TAFA2: variants seen among roughly 807,000 people sequenced by gnomAD.
TAFA2 encodes the protein TAFA chemokine like family member 2, also known as chemokine-like protein TAFA-2.
A neutral mutation model predicts 18.8 loss-of-function variants in TAFA2; 7 were observed. The observed-to-expected ratio is 0.37, with a 90% CI of 0.21 to 0.70. TAFA2 has a LOEUF of 0.70. TAFA2 is among the 30% of genes least tolerant of loss of function. The pLI, the probability that TAFA2 is intolerant of heterozygous loss-of-function variation, is 0.53. For missense variants in TAFA2, 122 were observed against 158.1 expected (o/e 0.77, Z 1.23); for synonymous variants, 60 against 54.2 (o/e 1.11, Z -0.47).
chr12:61,966,584 C>T (rs1879075257), intron 1 of TAFA2, among the ~76,000 whole-genome samples: 1 of 151,858 alleles, frequency 6.6e-6, no homozygotes, highest in African/African-American at 2.4e-5. Flanking sequence ...TGTTTTTATT[C>T]TTATGGGTAT....
At chr12:61,820,929 C>A (rs1272647939) in intron 2 of TAFA2, among the ~76,000 whole-genome samples, 1 of 151,932 alleles carries the variant, frequency 6.6e-6, no homozygotes, top group East Asian at 1.9e-4. Context: ...TTACATTGGA[C>A]AGGTGTATCC....
intron 1 of TAFA2, among the ~76,000 whole-genome samples, chr12:62,165,391 A>G (rs967020585): frequency 6.6e-6 from 1 of 152,044 alleles, no homozygotes; most frequent in Non-Finnish European, 1.5e-5. Flanking sequence ...CTCTACACTC[A>G]TCCTTGAGAG....
intron 1 of TAFA2, among the ~76,000 whole-genome samples, chr12:61,922,271 T>C (rs760833033): frequency 6.6e-6 from 1 of 152,096 alleles, no homozygotes; most frequent in Non-Finnish European, 1.5e-5. Flanking sequence ...ACTGAAGTTA[T>C]CTCCTCGGGG....
intron 1 of TAFA2, among the ~76,000 whole-genome samples, chr12:61,951,822 G>T (rs989927552): frequency 3.1e-4 from 47 of 151,606 alleles, no homozygotes; most frequent in African/African-American, 1.1e-3. Context: ...CACCTATTTT[G>T]TAAACTGATT....
At chr12:61,827,415 C>T (rs1188190341) in intron 2 of TAFA2, among the ~76,000 whole-genome samples, 9 of 152,022 alleles carry the variant, frequency 5.9e-5, no homozygotes, top group Non-Finnish European at 1.3e-4. Context: ...AGGAGGTTCT[C>T]TACCATTACT....
chr12:61,953,857 A>T (rs1198719356), intron 1 of TAFA2, among the ~76,000 whole-genome samples: 2 of 152,184 alleles, frequency 1.3e-5, no homozygotes, highest in Admixed American at 1.3e-4. Flanking sequence ...TTTCGCTAAT[A>T]GTGCGGTGTA....
chr12:62,022,059 G>A, intron 1 of TAFA2: 1 of 567,396 alleles, frequency 1.8e-6, no homozygotes, highest in African/African-American at 1.9e-5. Flanking sequence ...CTGCCCTCTG[G>A]AAAACCAAAC....
chr12:61,846,688 T>G (rs982843781), intron 2 of TAFA2, among the ~76,000 whole-genome samples: 13 of 152,184 alleles, frequency 8.5e-5, no homozygotes, highest in African/African-American at 3.1e-4. Flanking sequence ...AAATAAAAAC[T>G]TAATTCTTGA....
chr12:62,051,347 T>C (rs1028158057), intron 1 of TAFA2, among the ~76,000 whole-genome samples: 5 of 152,158 alleles, frequency 3.3e-5, no homozygotes, highest in Non-Finnish European at 7.4e-5. Context: ...GCCAATTTTA[T>C]AGCTAATAAC....
chr12:61,744,615 C>T (rs981682155), intron 4 of TAFA2, among the ~76,000 whole-genome samples: 1 of 152,030 alleles, frequency 6.6e-6, no homozygotes, highest in African/African-American at 2.4e-5. Context: ...AGTTCAGTGG[C>T]ACAATCATGG....
At chr12:61,995,253 A>G (rs1398146602) in intron 1 of TAFA2, among the ~76,000 whole-genome samples, 3 of 152,150 alleles carry the variant, frequency 2.0e-5, no homozygotes, top group Non-Finnish European at 4.4e-5. Flanking sequence ...TTTCCCAAAT[A>G]ACCTAAGTTA....
intron 1 of TAFA2, among the ~76,000 whole-genome samples, chr12:62,020,476 C>T (rs1425765008): frequency 1.3e-5 from 2 of 152,130 alleles, no homozygotes; most frequent in African/African-American, 4.8e-5. Flanking sequence ...ATGTAAGACA[C>T]AAAGCCCAAA....
intron 1 of TAFA2, among the ~76,000 whole-genome samples, chr12:62,248,767 A>G (rs1160116378): frequency 6.6e-6 from 1 of 152,144 alleles, no homozygotes; most frequent in Non-Finnish European, 1.5e-5. Flanking sequence ...GGCAAAATAT[A>G]TATAATAAAA....
intron 1 of TAFA2, among the ~76,000 whole-genome samples, chr12:61,969,892 T>G (rs1879188690): frequency 6.6e-6 from 1 of 151,576 alleles, no homozygotes; most frequent in South Asian, 2.1e-4. Flanking sequence ...AGTTGCAACA[T>G]TTTTGGAGAA....
chr12:61,710,336 GGAGTT>G lies in TAFA2; in HGVS notation c.*65_*69del, dbSNP rs753092771. The G allele has an allele frequency of 1.7e-4, 250 of 1,437,116 alleles. No homozygotes were observed. Among genetic ancestry groups the G allele is most frequent in the Middle Eastern group, 1.4e-3 (8 of 5,720 alleles). The allele number at this position is 1,437,116 out of a possible 1,614,324, so 89.0% of individuals were successfully genotyped here. ...TATAAAAATCTTCAAGATCACCTCA[GGAGTT>G]GAGTTAAGTTTCTATGCGCATGTTC... On this transcript the variant is annotated 3_prime_UTR_variant, in exon 5 of 5. Coordinates refer to ENST00000416284, the MANE Select transcript of TAFA2 (RefSeq NM_178539.5).
intron 1 of TAFA2, among the ~76,000 whole-genome samples, chr12:62,056,904 C>T (rs1882202131): frequency 6.6e-6 from 1 of 152,194 alleles, no homozygotes; most frequent in African/African-American, 2.4e-5. Flanking sequence ...ATAAAGTTAG[C>T]TAGCATTTTG....
chr12:62,046,951 A>T (rs997515772), intron 1 of TAFA2, among the ~76,000 whole-genome samples: 1 of 151,972 alleles, frequency 6.6e-6, no homozygotes, highest in African/African-American at 2.4e-5. Flanking sequence ...GTTGTTACAT[A>T]GGTAAACTTA....
At chr12:62,147,326 G>A (rs1663496) in intron 1 of TAFA2, among the ~76,000 whole-genome samples, 799 of 19,138 alleles carry the variant, frequency 0.042, 6 homozygotes, top group Middle Eastern at 0.13. Flanking sequence ...GTGTATGTAT[G>A]TATATATATA....
rs892223128 is a variant in TAFA2 at position 61,729,034 on chromosome 12, T to C, written c.385-18617A>G. Among the ~76,000 whole-genome samples, 26 of 43,678 alleles carry C rather than the reference T, an allele frequency of 6.0e-4. 1 individual carries two copies. Among genetic ancestry groups the C allele is most frequent in the South Asian group, 1.7e-3 (2 of 1,178 alleles). 28.7% of individuals were successfully genotyped at this position (43,678 alleles called of 152,430 possible). Reference sequence around the variant, plus strand: ...CACTGAATACAAAATTCTTGGCTGATTTTTTTTTTCATTTAAGAAGGCTAA... The same window carrying C: ...CACTGAATACAAAATTCTTGGCTGACTTTTTTTTTCATTTAAGAAGGCTAA... On this transcript the variant is annotated intron_variant, in intron 4 of 4. Coordinates refer to ENST00000416284, the MANE Select transcript of TAFA2 (RefSeq NM_178539.5).
Sources: allele counts gnomAD v4.1 joint callset (sites outside exome capture counted in the v4.1 genomes callset), GRCh38; gene constraint gnomAD v4.1.1; transcripts MANE v1.5; gene names NCBI Gene and HGNC (gene_info 2026-07-23, HGNC 2026-07-21).